The following TTC28 variants were observed in gnomAD, a reference collection of about 807,000 sequenced individuals.
TTC28 encodes the protein tetratricopeptide repeat protein 28.
TTC28 carries 61 observed loss-of-function variants against 198.0 expected under a neutral mutation model. That is an observed-to-expected ratio of 0.31 (90% CI 0.25 to 0.38). The LOEUF (loss-of-function observed/expected upper bound fraction) is 0.38, where lower values mean the gene tolerates loss of function less well. TTC28 is among the 10% of genes least tolerant of loss of function. The pLI, the probability that TTC28 is intolerant of heterozygous loss-of-function variation, is 1.00. For missense variants in TTC28, 2,678 were observed against 3,164.0 expected, an observed-to-expected ratio of 0.85 and a Z score of 3.69; for synonymous variants, 1,171 against 1,297.8, an observed-to-expected ratio of 0.90 and a Z score of 2.10.
intron 2 of TTC28, among the ~76,000 whole-genome samples, chr22:28,351,186 A>G (rs2045990770): frequency 6.7e-6 from 1 of 149,944 alleles, no homozygotes; most frequent in South Asian, 2.1e-4. Context: ...TGTCTCAAAG[A>G]AAAAAAAAAG....
intron 2 of TTC28, among the ~76,000 whole-genome samples, chr22:28,366,313 G>A (rs1414546021): frequency 3.9e-5 from 6 of 152,006 alleles, no homozygotes; most frequent in Non-Finnish European, 7.4e-5. Context: ...TTCTCAACAA[G>A]TTTTTCTCTT....
chr22:28,263,507 A>G (rs919938168), intron 5 of TTC28, among the ~76,000 whole-genome samples: 3 of 152,192 alleles, frequency 2.0e-5, no homozygotes, highest in Admixed American at 6.5e-5. Flanking sequence ...TCAATCCTGA[A>G]TGAAGACAAT....
At chr22:28,454,142 C>A (rs931341836) in intron 2 of TTC28, among the ~76,000 whole-genome samples, 2 of 152,046 alleles carry the variant, frequency 1.3e-5, no homozygotes, top group Non-Finnish European at 2.9e-5. Context: ...AAAATTAACC[C>A]GCCCCCCTAC....
At chr22:28,662,486 G>A (rs2051764452) in intron 1 of TTC28, among the ~76,000 whole-genome samples, 1 of 152,140 alleles carries the variant, frequency 6.6e-6, no homozygotes, top group Admixed American at 6.6e-5. Context: ...ATGTAAGATG[G>A]GGATAATAGT....
chr22:28,308,853 T>C lies in TTC28; in HGVS notation c.382-2210A>G, dbSNP rs566400561. Among the ~76,000 whole-genome samples the C allele has an allele frequency of 1.4e-4, 22 of 152,318 alleles. 2 individuals carry two copies. The South Asian group carries it at 4.4e-3, about 30-fold the overall frequency. On this transcript the variant is annotated intron_variant, in intron 2 of 22. Transcript: ENST00000397906. ...GCCCTTCCAGAGTCCCTAATCCAAC[T>C]TTATAAGATTTACCTGTTAAAAGCT... is the stretch of plus-strand genomic sequence containing the variant.
intron 5 of TTC28, among the ~76,000 whole-genome samples, chr22:28,222,033 AT>A (rs1382665619): frequency 6.6e-6 from 1 of 152,196 alleles, no homozygotes; most frequent in Non-Finnish European, 1.5e-5. Context: ...TAGGAGCCTA[AT>A]TTAGCTCCCC....
chr22:28,338,572 G>C (rs190236073), intron 2 of TTC28, among the ~76,000 whole-genome samples: 1 of 151,826 alleles, frequency 6.6e-6, no homozygotes, highest in Admixed American at 6.6e-5. Context: ...TTCTCTTCTC[G>C]CTTCATTTCA....
chr22:28,153,608 G>A (rs1286538977), intron 6 of TTC28, among the ~76,000 whole-genome samples: 1 of 151,690 alleles, frequency 6.6e-6, no homozygotes, highest in South Asian at 2.1e-4. Flanking sequence ...AGCTCTATGG[G>A]GGTAGGAGAT....
At chr22:28,422,408 T>C (rs1478798605) in intron 2 of TTC28, among the ~76,000 whole-genome samples, 1 of 152,122 alleles carries the variant, frequency 6.6e-6, no homozygotes, top group Non-Finnish European at 1.5e-5. Context: ...TTCTACACAG[T>C]CTTCACGTCT....
At chr22:28,268,637 C>T (rs1931839314) in intron 5 of TTC28, among the ~76,000 whole-genome samples, 1 of 152,168 alleles carries the variant, frequency 6.6e-6, no homozygotes, top group Admixed American at 6.5e-5. Context: ...AATTCCAGAT[C>T]TTCTATAAGT....
At chr22:28,471,936 T>C (rs563569680) in intron 2 of TTC28, among the ~76,000 whole-genome samples, 4 of 152,288 alleles carry the variant, frequency 2.6e-5, no homozygotes, top group Admixed American at 2.6e-4. Flanking sequence ...GAGAATATCT[T>C]TGAGTCTCTG....
chr22:28,390,376 G>C (rs949446433), intron 2 of TTC28, among the ~76,000 whole-genome samples: 2 of 152,254 alleles, frequency 1.3e-5, no homozygotes, highest in South Asian at 2.1e-4. Flanking sequence ...GTGCAGAGCT[G>C]AGTTCAATTC....
chr22:28,437,347 T>C (rs1256937960), intron 2 of TTC28, among the ~76,000 whole-genome samples: 1 of 152,016 alleles, frequency 6.6e-6, no homozygotes, highest in African/African-American at 2.4e-5. Context: ...CCTCCCAAAG[T>C]GCTGAGATTA....
In TTC28 at chr22:28,014,338, G is replaced by T; in HGVS notation, c.4128C>A (p.Asp1376Glu). 6.4e-7 allele frequency: 1 copy of T among 1,551,630 alleles called. No homozygotes were observed. Residue 1376 changes from aspartate (D) to glutamate (E), a missense_variant, in exon 14 of 23, where the codon GAC becomes GAA. By Grantham distance (45) the Asp-to-Glu change is conservative (BLOSUM62 2). Coordinates refer to ENST00000397906, the MANE Select transcript of TTC28 (RefSeq NM_001145418.2). ...GCCTCCTGGGAAGAGAGGAGGTCCC[G>T]TCCTGGGTCGGTGACACAGTGTTAC... Reference protein sequence around the residue: ...LFSNTVSPTQDGTSSLPRRQS... With the variant: ...LFSNTVSPTQEGTSSLPRRQS...
At chr22:28,285,338 T>C (rs976759655) in intron 5 of TTC28, among the ~76,000 whole-genome samples, 1 of 152,180 alleles carries the variant, frequency 6.6e-6, no homozygotes, top group African/African-American at 2.4e-5. Flanking sequence ...ATTCCACTTA[T>C]ATATGAAACT....
intron 12 of TTC28, among the ~76,000 whole-genome samples, chr22:28,043,422 G>A (rs1003051242): frequency 6.6e-6 from 1 of 151,990 alleles, no homozygotes; most frequent in Non-Finnish European, 1.5e-5. Flanking sequence ...GGAGCTGAAT[G>A]TAACTTCTGT....
intron 2 of TTC28, among the ~76,000 whole-genome samples, chr22:28,388,336 T>A (rs1226901343): frequency 2.0e-5 from 3 of 152,236 alleles, no homozygotes; most frequent in South Asian, 2.1e-4. Context: ...GGGCTCTTTT[T>A]TAGTTCCATA....
chr22:28,199,383 T>TTACATA (rs1487809203), intron 5 of TTC28, among the ~76,000 whole-genome samples: 1 of 118,528 alleles, frequency 8.4e-6, no homozygotes, highest in Non-Finnish European at 1.7e-5. Context: ...ACATTAAAAA[T>TTACATA]TATATATATA....
intron 12 of TTC28, among the ~76,000 whole-genome samples, chr22:28,058,245 A>G (rs1013364046): frequency 5.9e-5 from 9 of 152,122 alleles, no homozygotes; most frequent in Non-Finnish European, 1.0e-4. Context: ...GTAAAAGTTT[A>G]TTTACGAAAC....
Sources: allele counts gnomAD v4.1 joint callset (sites outside exome capture counted in the v4.1 genomes callset), GRCh38; gene constraint gnomAD v4.1.1; transcripts MANE v1.5; gene names NCBI Gene and HGNC (gene_info 2026-07-23, HGNC 2026-07-21).